FUT8: variants seen among roughly 807,000 people sequenced by gnomAD.
FUT8 encodes alpha-(1,6)-fucosyltransferase.
Under a neutral mutation model 71.3 loss-of-function variants are expected in FUT8, and 29 were observed. The observed-to-expected ratio is 0.41, with a 90% CI of 0.30 to 0.55. The LOEUF (loss-of-function observed/expected upper bound fraction) is 0.55. Ranked by LOEUF, FUT8 falls within the 20% of genes least tolerant of loss-of-function variation. The pLI, the probability that FUT8 is intolerant of heterozygous loss-of-function variation, is 0.34. For synonymous variants in FUT8, 254 were observed against 239.3 expected (o/e 1.06, Z -0.57); for missense variants, 544 against 702.1 (o/e 0.77, Z 2.55).
chr14:65,660,170 T>C lies in FUT8; in HGVS notation c.598-9073T>C, dbSNP rs931554897. 2.0e-5 allele frequency among the ~76,000 whole-genome samples: 3 copies of C among 152,160 alleles called. No homozygotes were observed. Among genetic ancestry groups the C allele is most frequent in the Admixed American group, 6.5e-5 (1 of 15,270 alleles). On this transcript the variant is annotated intron_variant, in intron 6 of 10. Coordinates refer to ENST00000673929, the MANE Select transcript of FUT8 (RefSeq NM_001371533.1). This position sits in a 1 kb window ranked among gnomAD's most constrained non-coding sequence, Gnocchi z 4.1. ...GATGGCAGAAAAATATTACCAAGGT[T>C]ATTCTAGCATGCAAGTCTCTTGAAA...
chr14:65,552,382 A>G (rs1885339998), intron 2 of FUT8, among the ~76,000 whole-genome samples: 1 of 152,204 alleles, frequency 6.6e-6, no homozygotes, highest in African/African-American at 2.4e-5. Context: ...TATGTAATAG[A>G]AATTGAATGA....
chr14:65,522,764 C>T (rs150248570), intron 2 of FUT8, among the ~76,000 whole-genome samples: 192 of 148,116 alleles, frequency 1.3e-3, no homozygotes, highest in South Asian at 7.1e-3. Flanking sequence ...GATGTTCCCC[C>T]TCCTGTGTCC....
At chr14:65,407,646 G>A (rs1258086323), upstream of FUT8, among the ~76,000 whole-genome samples, 5 of 152,122 alleles carry the variant, frequency 3.3e-5, no homozygotes, top group Non-Finnish European at 5.9e-5. Flanking sequence ...TCTGTGTTAG[G>A]AACTGAGATG....
chr14:65,371,066 G>A, the FUT8 span, among the ~76,000 whole-genome samples: 1 of 152,170 alleles, frequency 6.6e-6, no homozygotes, highest in African/African-American at 2.4e-5. Context: ...AGTTTCAGAT[G>A]ATTAAGAAAC....
At chr14:65,549,252 A>G (rs1394765773) in intron 2 of FUT8, among the ~76,000 whole-genome samples, 1 of 152,134 alleles carries the variant, frequency 6.6e-6, no homozygotes, top group Admixed American at 6.5e-5. Flanking sequence ...GAAAGTTCAC[A>G]TTCACAGAAA....
chr14:65,483,804 C>T lies in FUT8; in HGVS notation c.-228+28086C>T, dbSNP rs2066367631. Among the ~76,000 whole-genome samples, 1 of 151,734 alleles carries T rather than the reference C, an allele frequency of 6.6e-6. No homozygotes were observed. Among genetic ancestry groups the T allele is most frequent in the Non-Finnish European group, 1.5e-5 (1 of 67,998 alleles). On this transcript the variant is annotated intron_variant, in intron 2 of 10. Coordinates refer to ENST00000673929, the MANE Select transcript of FUT8 (RefSeq NM_001371533.1). This position sits in a 1 kb window ranked among gnomAD's most constrained non-coding sequence, Gnocchi z 4.4. ...CTGGAGTGTGGTGGCATGATATCAG[C>T]TCACTGCAACCTTCACCTTCTGGTT... is the stretch of plus-strand genomic sequence containing the variant.
At chr14:65,556,586 G>A (rs942385580) in intron 2 of FUT8, among the ~76,000 whole-genome samples, 29 of 152,104 alleles carry the variant, frequency 1.9e-4, no homozygotes, top group Admixed American at 2.6e-4. Context: ...ATGAAATTCT[G>A]TCACTTTTAC....
At chr14:65,691,033 A>G (rs1256691316) in intron 7 of FUT8, among the ~76,000 whole-genome samples, 2 of 151,104 alleles carry the variant, frequency 1.3e-5, no homozygotes, top group African/African-American at 4.9e-5. Context: ...GCCACATTTG[A>G]CTTTTGTATA....
At chr14:65,711,078 C>T (rs1057358046) in intron 7 of FUT8, among the ~76,000 whole-genome samples, 1 of 152,184 alleles carries the variant, frequency 6.6e-6, no homozygotes, top group African/African-American at 2.4e-5. Flanking sequence ...CCACCAGGAC[C>T]AGGCCCCACC....
chr14:65,742,566 G>C lies in FUT8; in HGVS notation c.*156G>C. ...CCAAGAGCAGCTGGGAACTGACATAGGCTTCAATTGGTGGAATTCCTCTTT... is the reference window on the plus strand; with the variant it reads ...CCAAGAGCAGCTGGGAACTGACATACGCTTCAATTGGTGGAATTCCTCTTT... On this transcript the variant is annotated 3_prime_UTR_variant, in exon 11 of 11. Coordinates refer to ENST00000673929, the MANE Select transcript of FUT8 (RefSeq NM_001371533.1). 1 of 631,860 alleles carries C rather than the reference G, an allele frequency of 1.6e-6. No individual in the cohort carries two copies. The highest frequency in any genetic ancestry group is 2.7e-6 in the Non-Finnish European group (1 of 367,314). 39.1% of individuals were successfully genotyped at this position (631,860 alleles called of 1,614,324 possible). A position where few individuals can be genotyped will look rare whatever the true frequency, so the allele number is the denominator to read the frequency against.
chr14:65,364,187 T>A, the FUT8 span, among the ~76,000 whole-genome samples: 1 of 137,912 alleles, frequency 7.3e-6, no homozygotes, highest in Non-Finnish European at 1.6e-5. Context: ...TAAAATGAGA[T>A]AACAGATCCA....
intron 1 of FUT8, among the ~76,000 whole-genome samples, chr14:65,436,696 A>G (rs1485410702): frequency 1.3e-5 from 2 of 152,170 alleles, no homozygotes; most frequent in South Asian, 2.1e-4. Flanking sequence ...GTCTTTGACA[A>G]GCATTGGGGT....
rs1488685979 is a variant in FUT8, at chr14:65,634,328, T to C, written c.597+4722T>C. On this transcript the variant is annotated intron_variant, in intron 6 of 10. Coordinates refer to ENST00000673929, the MANE Select transcript of FUT8 (RefSeq NM_001371533.1). ...TCAGCGTTAAATGGATTAAGGGCGG[T>C]GCAAGATGTGCTTTGTTAAACAGAT... 2.0e-5 allele frequency among the ~76,000 whole-genome samples: 3 copies of C among 151,822 alleles called. No homozygotes were observed. In the East Asian group the frequency reaches 5.8e-4, roughly 29 times the overall value.
intron 1 of FUT8, among the ~76,000 whole-genome samples, chr14:65,415,131 G>T (rs541788770): frequency 1.8e-4 from 28 of 152,292 alleles, no homozygotes; most frequent in Middle Eastern, 3.4e-3. Context: ...GGAAAAAACT[G>T]TTAACTTATT....
Position 65,502,131 on chromosome 14 carries a change from G to A in FUT8, c.-228+46413G>A, listed in dbSNP as rs577904153. On this transcript the variant is annotated intron_variant, in intron 2 of 10. Transcript: ENST00000673929. Reference sequence around the variant, plus strand: ...TTGCTATGTTGGCCAGGCTGGTCTCGAACTCCTGGCCTCGAGTGATTCACC... The same window carrying A: ...TTGCTATGTTGGCCAGGCTGGTCTCAAACTCCTGGCCTCGAGTGATTCACC... Among the ~76,000 whole-genome samples, 10 of 152,122 alleles carry A rather than the reference G, an allele frequency of 6.6e-5. No homozygotes were observed. In the East Asian group the frequency reaches 1.2e-3, roughly 18 times the overall value.
chr14:65,419,464 T>C (rs1373000650), intron 1 of FUT8, among the ~76,000 whole-genome samples: 1 of 152,216 alleles, frequency 6.6e-6, no homozygotes, highest in African/African-American at 2.4e-5. Flanking sequence ...AAAGTGTCTT[T>C]GATAATTAGG....
At chr14:65,441,370 G>A (rs192465597) in intron 1 of FUT8, among the ~76,000 whole-genome samples, 13 of 152,246 alleles carry the variant, frequency 8.5e-5, no homozygotes, top group Non-Finnish European at 4.4e-5. Flanking sequence ...CATATATGTT[G>A]ATAATTATTA....
intron 1 of FUT8, among the ~76,000 whole-genome samples, chr14:65,438,678 T>C (rs753846130): frequency 6.6e-6 from 1 of 152,224 alleles, no homozygotes; most frequent in Admixed American, 6.5e-5. Flanking sequence ...ATTTTCTTAT[T>C]ATGCATTGCT....
chr14:65,739,726 A>G (rs1467136971), intron 10 of FUT8, among the ~76,000 whole-genome samples: 2 of 152,078 alleles, frequency 1.3e-5, no homozygotes, highest in Non-Finnish European at 2.9e-5. Context: ...TGGTGTTACA[A>G]TATGAACATG....
Sources: allele counts gnomAD v4.1 joint callset (sites outside exome capture counted in the v4.1 genomes callset), GRCh38; gene constraint gnomAD v4.1.1; non-coding constraint Gnocchi (gnomAD v3.1); transcripts MANE v1.5; gene names NCBI Gene and HGNC (gene_info 2026-07-23, HGNC 2026-07-21).